MYH16: variants seen among roughly 807,000 people sequenced by gnomAD.
MYH16 encodes the protein myosin heavy chain 16, also known as putative uncharacterized protein MYH16.
At chr7:99,271,663 T>A (rs745609080) in intron 19 of MYH16, among the ~76,000 whole-genome samples, 18 of 152,236 alleles carry the variant, frequency 1.2e-4, no homozygotes, top group Non-Finnish European at 2.5e-4. Flanking sequence ...TACATTCATA[T>A]AATAAAATCA....
intron 1 of MYH16, chr7:99,243,238 CATGCCTG>C (rs1171288565): frequency 6.5e-6 from 1 of 152,922 alleles, no homozygotes; most frequent in Non-Finnish European, 1.5e-5. Context: ...CCCCATGCCC[CATGCCTG>C]ATGCCTGTGC....
chr7:99,296,083 G>A (rs1702113860), intron 33 of MYH16, among the ~76,000 whole-genome samples: 1 of 144,580 alleles, frequency 6.9e-6, no homozygotes, highest in African/African-American at 2.6e-5. Flanking sequence ...GACGGAGGTT[G>A]CAGTGAGCCA....
At chr7:99,287,956 C>A (rs1305552960) in exon 29 of MYH16, 4 of 456,634 alleles carry the variant, frequency 8.8e-6, no homozygotes, top group South Asian at 6.2e-5. Flanking sequence ...GAAGAGGCCG[C>A]CCTGCAGAGC....
chr7:99,281,248 CG>C (rs1192587903), intron 23 of MYH16, among the ~76,000 whole-genome samples: 1 of 152,072 alleles, frequency 6.6e-6, no homozygotes, highest in Non-Finnish European at 1.5e-5. Context: ...TGAGAGCAAG[CG>C]GGGGAGCTAT....
intron 4 of MYH16, among the ~76,000 whole-genome samples, chr7:99,249,176 C>T (rs1196301480): frequency 6.6e-6 from 1 of 152,008 alleles, no homozygotes; most frequent in Non-Finnish European, 1.5e-5. Flanking sequence ...GTTAAACTGA[C>T]AGGGTGGCCT....
rs749549841 is a variant in MYH16 at position 99,277,716 on chromosome 7, C to T, written n.2659+4C>T. ...CCTCACCATCCAGCTGCAGGCTGTACGTGGGGTCCCCAGGGAGAAGGGTGG... is the reference window on the plus strand; with the variant it reads ...CCTCACCATCCAGCTGCAGGCTGTATGTGGGGTCCCCAGGGAGAAGGGTGG... On this transcript the variant is annotated splice_donor_region_variant and intron_variant and non_coding_transcript_variant, in intron 21 of 41. Coordinates refer to ENST00000439784, the Ensembl canonical transcript of MYH16. 26 of 454,490 alleles carry T rather than the reference C, an allele frequency of 5.7e-5. No individual in the cohort carries two copies. Among genetic ancestry groups the T allele is most frequent in the Non-Finnish European group, 1.0e-4 (23 of 225,742 alleles). The allele number at this position is 454,490 out of a possible 1,614,324, so 28.2% of individuals were successfully genotyped here. A position where few individuals can be genotyped will look rare whatever the true frequency, so the allele number is the denominator to read the frequency against.
chr7:99,307,047 G>A (rs1200851370), downstream of MYH16, among the ~76,000 whole-genome samples: 1 of 152,094 alleles, frequency 6.6e-6, no homozygotes, highest in Non-Finnish European at 1.5e-5. Context: ...CACAGCCCTC[G>A]GGTGGGGTGC....
chr7:99,297,993 C>G (rs1402777960), exon 36 of MYH16: 1 of 456,518 alleles, frequency 2.2e-6, no homozygotes, highest in Non-Finnish European at 4.4e-6. Context: ...TTGAGGCTAC[C>G]AGGTATGGAG....
chr7:99,279,539 G>C (rs1792171626), exon 22 of MYH16: 2 of 456,526 alleles, frequency 4.4e-6, no homozygotes, highest in South Asian at 1.5e-5. Flanking sequence ...ATGCAGAGGA[G>C]CGCCTGACAT....
chr7:99,249,538 CAAAA>C (rs1222006408), intron 4 of MYH16, among the ~76,000 whole-genome samples: 1 of 50,284 alleles, frequency 2.0e-5, no homozygotes, highest in Non-Finnish European at 4.0e-5. Context: ...GACCCTCTCT[CAAAA>C]AAAAAAAAAA....
At chr7:99,302,623 G>A (rs1486930486) in intron 38 of MYH16, among the ~76,000 whole-genome samples, 1 of 152,038 alleles carries the variant, frequency 6.6e-6, no homozygotes, top group East Asian at 1.9e-4. Flanking sequence ...GCTCACGTCT[G>A]TAATCCCAGC....
At chr7:99,293,536 C>G (rs931256922) in intron 32 of MYH16, among the ~76,000 whole-genome samples, 1 of 152,176 alleles carries the variant, frequency 6.6e-6, no homozygotes, top group Non-Finnish European at 1.5e-5. Flanking sequence ...GCCCCAGACA[C>G]CCTCAGGGCC....
chr7:99,253,610 G>T (rs566482759), intron 7 of MYH16: 1 of 150,468 alleles, frequency 6.6e-6, no homozygotes, highest in East Asian at 2.0e-4. Context: ...GCGAAGCGTG[G>T]GGCTCACCAC....
chr7:99,248,327 C>A (rs1419319376), intron 3 of MYH16, among the ~76,000 whole-genome samples: 1 of 152,134 alleles, frequency 6.6e-6, no homozygotes, highest in East Asian at 1.9e-4. Flanking sequence ...GTCCTGAACT[C>A]CTGACATCAG....
chr7:99,239,259 A>C (rs1001410648), intron 1 of MYH16, among the ~76,000 whole-genome samples: 1 of 152,260 alleles, frequency 6.6e-6, no homozygotes, highest in East Asian at 1.9e-4. Context: ...GAGACAGATC[A>C]CATGAAAGCA....
chr7:99,258,412 G>C (rs1228831247), intron 11 of MYH16: 1 of 154,636 alleles, frequency 6.5e-6, no homozygotes, highest in Non-Finnish European at 1.5e-5. Context: ...CTTGCATTTG[G>C]TTTTTGCTTT....
At chr7:99,249,364 T>C (rs1372655712) in intron 4 of MYH16, among the ~76,000 whole-genome samples, 2 of 151,090 alleles carry the variant, frequency 1.3e-5, no homozygotes, top group Non-Finnish European at 3.0e-5. Flanking sequence ...CTGGGCAACA[T>C]AGTGAGACCC....
intron 14 of MYH16, chr7:99,264,146 C>G (rs898616684): frequency 1.3e-5 from 2 of 152,648 alleles, no homozygotes; most frequent in African/African-American, 4.8e-5. Flanking sequence ...TAAGATAAGC[C>G]TTTTTAAATC....
chr7:99,295,636 TGGCCACGTAGGCA>T (rs928296554), intron 33 of MYH16, among the ~76,000 whole-genome samples: 1 of 151,926 alleles, frequency 6.6e-6, no homozygotes, highest in Non-Finnish European at 1.5e-5. Context: ...CTCCATGAAG[TGGCCACGTAGGCA>T]GGAGGTCATA....
Sources: allele counts gnomAD v4.1 joint callset (sites outside exome capture counted in the v4.1 genomes callset), GRCh38; gene constraint gnomAD v4.1.1; transcripts MANE v1.5; gene names NCBI Gene and HGNC (gene_info 2026-07-23, HGNC 2026-07-21).